Variants in DNAJA1 observed in about 807,000 individuals in gnomAD.
DNAJA1 encodes the protein dnaJ homolog subfamily A member 1.
DNAJA1 carries 26 observed loss-of-function variants against 47.6 expected under a neutral mutation model. The ratio of observed to expected loss-of-function variants is 0.55; its 90% CI spans 0.40 to 0.76. The LOEUF (loss-of-function observed/expected upper bound fraction) is 0.76, where lower values mean the gene tolerates loss of function less well. DNAJA1 is among the 30% of genes least tolerant of loss of function. The pLI, the probability that DNAJA1 is intolerant of heterozygous loss-of-function variation, is 0.00. For missense variants in DNAJA1, 315 were observed against 485.0 expected, an observed-to-expected ratio of 0.65 and a Z score of 3.29; for synonymous variants, 165 against 158.4, an observed-to-expected ratio of 1.04 and a Z score of -0.31.
At position 33,026,854 on chromosome 9, in the gene DNAJA1, A is replaced by C; in HGVS notation, c.174A>C (p.Ala58=). 1 of 1,614,160 alleles carries C rather than the reference A, an allele frequency of 6.2e-7. No homozygotes were observed. Among genetic ancestry groups the C allele is most frequent in the Non-Finnish European group, 8.5e-7 (1 of 1,180,018 alleles). The change falls in exon 3 of 9, where the codon GCA becomes GCC. Residue 58 remains alanine (A), a synonymous_variant. Coordinates refer to ENST00000330899, the MANE Select transcript of DNAJA1 (RefSeq NM_001539.4). ...ISQAYEVLSD[A]KKRELYDKGG... ...AAGCTTACGAAGTTCTCTCTGATGC[A>C]AAGAAAAGGGAATTATATGACAAAG... is the stretch of plus-strand genomic sequence containing the variant.
At chr9:33,034,387 G>GTTTTTTGT in intron 6 of DNAJA1, 57 bp downstream of exon 6, 1 of 1,393,984 alleles carries the variant, frequency 7.2e-7, no homozygotes, top group South Asian at 1.3e-5. Flanking sequence ...TGTTGGTTTT[G>GTTTTTTGT]TTTTTTGTTT....
In DNAJA1 at chr9:33,038,788, A is replaced by G. The variant is rs1378746289; in HGVS notation, c.1079A>G (p.Gln360Arg). 6.2e-7 allele frequency: 1 copy of G among 1,614,174 alleles called. No homozygotes were observed. The highest frequency in any genetic ancestry group is 1.3e-5 in the African/African-American group (1 of 75,056). ...GTGGAAGAGACTGATGAGATGGACC[A>G]AGTAGAACTGGTGGACTTTGATCCA... is the stretch of plus-strand genomic sequence containing the variant. Reference protein sequence around the residue: ...KEVEETDEMDQVELVDFDPNQ... With the variant: ...KEVEETDEMDRVELVDFDPNQ... Residue 360 changes from glutamine to arginine, a missense_variant, in exon 9 of 9, where the codon CAA (glutamine) becomes CGA (arginine). Coordinates refer to ENST00000330899, the MANE Select transcript of DNAJA1 (RefSeq NM_001539.4).
In DNAJA1 at chr9:33,034,206, T is replaced by A; in HGVS notation, c.644-10T>A. 6.4e-7 allele frequency: 1 copy of A among 1,559,094 alleles called. No homozygotes were observed. The highest frequency in any genetic ancestry group is 8.7e-7 in the Non-Finnish European group (1 of 1,153,866). ...TTAATAAAAGTACAAAATTAATGTT[T>A]TGTTTTTAGGCATGAAAGATGGCCA... On this transcript the variant is annotated splice_polypyrimidine_tract_variant and intron_variant, in intron 5 of 8. Coordinates refer to ENST00000330899, the MANE Select transcript of DNAJA1 (RefSeq NM_001539.4).
intron 5 of DNAJA1, among the ~76,000 whole-genome samples, chr9:33,033,898 A>G (rs979744820): frequency 7.2e-5 from 11 of 152,166 alleles, no homozygotes; most frequent in Non-Finnish European, 1.6e-4. Flanking sequence ...TTGAGTTAAT[A>G]CTCTAAATAT....
At chr9:33,038,058 G>A (rs530029132) in intron 8 of DNAJA1, among the ~76,000 whole-genome samples, 2 of 150,708 alleles carry the variant, frequency 1.3e-5, no homozygotes, top group South Asian at 4.2e-4. Flanking sequence ...AAGGTGGAGT[G>A]CAGTGGTGCG....
chr9:33,038,860 A>G lies in DNAJA1; in HGVS notation c.1151A>G (p.Asp384Gly), dbSNP rs1437661568. 6.2e-7 allele frequency: 1 copy of G among 1,613,898 alleles called. No homozygotes were observed. Among genetic ancestry groups the G allele is most frequent in the Non-Finnish European group, 8.5e-7 (1 of 1,179,982 alleles). Residue 384 changes from aspartate (D) to glycine (G), a missense_variant, in exon 9 of 9, where the codon GAT becomes GGT. Asp to Gly is a moderately conservative substitution (Grantham distance 94). Transcript: ENST00000330899. Reference protein sequence around the residue: ...RHYNGEAYEDDEHHPRGGVQC... With the variant: ...RHYNGEAYEDGEHHPRGGVQC... Reference sequence around the variant, plus strand: ...TACAATGGAGAAGCATATGAGGATGATGAACATCATCCCAGAGGTGGTGTT... The same window carrying G: ...TACAATGGAGAAGCATATGAGGATGGTGAACATCATCCCAGAGGTGGTGTT...
intron 3 of DNAJA1, 85 bp from the exon 4 acceptor site, chr9:33,029,797 ATTC>A (rs1490984144): frequency 9.5e-7 from 1 of 1,057,498 alleles, no homozygotes; most frequent in South Asian, 1.5e-5. Context: ...ATCTTTTATT[ATTC>A]TTTGCCACAT....
At chr9:33,037,392 T>C (rs1207275538) in intron 8 of DNAJA1, 2 of 266,238 alleles carry the variant, frequency 7.5e-6, no homozygotes, top group Admixed American at 5.0e-5. Flanking sequence ...AAGAAATATA[T>C]GGATCTGGCC....
chr9:33,031,091 T>C (rs961602047), intron 5 of DNAJA1, among the ~76,000 whole-genome samples: 1 of 152,238 alleles, frequency 6.6e-6, no homozygotes, highest in African/African-American at 2.4e-5. Flanking sequence ...TTGGGTCTCA[T>C]AAAAATTCAT....
At chr9:33,035,577 C>T (rs1407387416) in intron 6 of DNAJA1, among the ~76,000 whole-genome samples, 1 of 152,086 alleles carries the variant, frequency 6.6e-6, no homozygotes, top group Non-Finnish European at 1.5e-5. Flanking sequence ...TCAAGCAATT[C>T]TCTCACCTCA....
intron 6 of DNAJA1, among the ~76,000 whole-genome samples, chr9:33,035,053 T>C (rs1839013380): frequency 1.3e-5 from 2 of 149,940 alleles, no homozygotes; most frequent in African/African-American, 4.9e-5. Flanking sequence ...TTTTTTTTTT[T>C]TTTAATGGAG....
Position 33,039,071 on chromosome 9 carries a change from T to A in DNAJA1, c.*168T>A. The A allele has an allele frequency of 1.4e-6, 1 of 691,912 alleles. No homozygotes were observed. The highest frequency in any genetic ancestry group is 2.4e-6 in the Non-Finnish European group (1 of 422,746). 42.9% of individuals were successfully genotyped at this position (691,912 alleles called of 1,614,324 possible). Reference sequence around the variant, plus strand: ...TAAACGCAAATATAAAAGCTCTGATTTTGCCCTGTATGTATGATGACTTCA... The same window carrying A: ...TAAACGCAAATATAAAAGCTCTGATATTGCCCTGTATGTATGATGACTTCA... On this transcript the variant is annotated 3_prime_UTR_variant, in exon 9 of 9. Coordinates refer to ENST00000330899, the MANE Select transcript of DNAJA1 (RefSeq NM_001539.4).
chr9:33,032,466 A>G (rs919066214), intron 5 of DNAJA1, among the ~76,000 whole-genome samples: 1 of 152,242 alleles, frequency 6.6e-6, no homozygotes, highest in Non-Finnish European at 1.5e-5. Flanking sequence ...CAGGTCCTCA[A>G]ATAATGTCAT....
chr9:33,030,477 C>A lies in DNAJA1; in HGVS notation c.453C>A (p.Pro151=). 5 of 1,613,376 alleles carry A rather than the reference C, an allele frequency of 3.1e-6. No individual in the cohort carries two copies. The highest frequency in any genetic ancestry group is 1.8e-4 in the Middle Eastern group (1 of 5,528). The change falls in exon 5 of 9, where the codon CCC becomes CCA. Residue 151 remains proline (P), a synonymous_variant. Transcript: ENST00000330899. The stretch of plus-strand genomic sequence containing the variant: ...AGAAAGGAGCAGTAGAGTGCTGTCC[C>A]AATTGCCGAGGTACTGGAATGCAAA... ...GGKKGAVECC[P]NCRGTGMQIR...
chr9:33,025,695 G>A (rs1023827043), intron 1 of DNAJA1, among the ~76,000 whole-genome samples: 3 of 116,440 alleles, frequency 2.6e-5, no homozygotes, highest in Non-Finnish European at 3.9e-5. Flanking sequence ...TGCTCGCTCG[G>A]GGTGGGGGGG....
At position 33,030,668 on chromosome 9, in the gene DNAJA1, G is replaced by T; in HGVS notation, c.643+1G>T. 1 of 1,608,072 alleles carries T rather than the reference G, an allele frequency of 6.2e-7. No homozygotes were observed. The highest frequency in any genetic ancestry group is 8.5e-7 in the Non-Finnish European group (1 of 1,176,796). Reference sequence around the variant, plus strand: ...ATTTTAGAAGTTCATATTGACAAAGGTGAGTTCTGAGTTACTTATTCTGAA... The same window carrying T: ...ATTTTAGAAGTTCATATTGACAAAGTTGAGTTCTGAGTTACTTATTCTGAA... On this transcript the variant is annotated splice_donor_variant, in intron 5 of 8. Coordinates refer to ENST00000330899, the MANE Select transcript of DNAJA1 (RefSeq NM_001539.4). LOFTEE classifies it high-confidence loss of function.
Position 33,039,097 on chromosome 9 carries a change from G to C in DNAJA1, c.*194G>C. ...TTGCCCTGTATGTATGATGACTTCA[G>C]TGTGCAAGATGAAGTTTAATACCTG... On this transcript the variant is annotated 3_prime_UTR_variant, in exon 9 of 9. Transcript: ENST00000330899. The C allele has an allele frequency of 3.4e-6, 2 of 590,862 alleles. No homozygotes were observed. Among genetic ancestry groups the C allele is most frequent in the Admixed American group, 3.1e-5 (1 of 32,232 alleles). The allele number at this position is 590,862 out of a possible 1,614,324, so 36.6% of individuals were successfully genotyped here. A position where few individuals can be genotyped will look rare whatever the true frequency, so the allele number is the denominator to read the frequency against.
At chr9:33,027,169 T>TTC (rs1838887056) in intron 3 of DNAJA1, among the ~76,000 whole-genome samples, 179 bp downstream of exon 3, 1 of 144,708 alleles carries the variant, frequency 6.9e-6, no homozygotes, top group East Asian at 2.0e-4. Flanking sequence ...TTTTTTTTTT[T>TTC]CTTGAGACGG....
At chr9:33,027,488 A>T (rs1838891756) in intron 3 of DNAJA1, among the ~76,000 whole-genome samples, 1 of 151,136 alleles carries the variant, frequency 6.6e-6, no homozygotes, top group African/African-American at 2.4e-5. Flanking sequence ...AATGAGATTT[A>T]AGGGGCCTAA....
Sources: gnomAD v4.1 joint callset for allele counts (sites outside exome capture counted in the v4.1 genomes callset) on GRCh38, gnomAD v4.1.1 for gene constraint, MANE v1.5 for transcripts, NCBI Gene and HGNC (gene_info 2026-07-23, HGNC 2026-07-21) for gene names.